PSME4: variants seen among roughly 807,000 people sequenced by gnomAD.
PSME4 encodes proteasome activator complex subunit 4.
Under a neutral mutation model 253.9 loss-of-function variants are expected in PSME4, and 89 were observed. The observed-to-expected ratio is 0.35, with a 90% CI of 0.30 to 0.42. The LOEUF (loss-of-function observed/expected upper bound fraction) is 0.42, where lower values mean the gene tolerates loss of function less well. PSME4 is among the 10% of genes least tolerant of loss of function. PSME4 has a pLI of 1.00. For missense variants in PSME4, 2,014 were observed against 2,195.2 expected, an observed-to-expected ratio of 0.92 and a Z score of 1.65; for synonymous variants, 851 against 759.2, an observed-to-expected ratio of 1.12 and a Z score of -1.99.
In PSME4 at chr2:53,874,504, A is replaced by T; in HGVS notation, c.4945-10T>A. ...AACTGCTTCTTGCTGTCTGTGAATG[A>T]CAAATAAATATAAACGATAAAGCAG... On this transcript the variant is annotated splice_polypyrimidine_tract_variant and intron_variant, in intron 42 of 46. Coordinates refer to ENST00000404125, the MANE Select transcript of PSME4 (RefSeq NM_014614.3). 6.2e-7 allele frequency: 1 copy of T among 1,612,514 alleles called. No homozygotes were observed. The highest frequency in any genetic ancestry group is 2.2e-5 in the East Asian group (1 of 44,858).
At position 53,927,502 on chromosome 2, in the gene PSME4, G is replaced by A; in HGVS notation, c.1504-19C>T. ...ATGTGATCTGTGGAAACATACAAAGGATTTTCAACATTACATAATTCTAAT... is the reference window on the plus strand; with the variant it reads ...ATGTGATCTGTGGAAACATACAAAGAATTTTCAACATTACATAATTCTAAT... On this transcript the variant is annotated intron_variant, in intron 11 of 46. Coordinates refer to ENST00000404125, the MANE Select transcript of PSME4 (RefSeq NM_014614.3). 6.8e-7 allele frequency: 1 copy of A among 1,477,490 alleles called. No homozygotes were observed. The highest frequency in any genetic ancestry group is 9.5e-7 in the Non-Finnish European group (1 of 1,056,662). 91.5% of individuals were successfully genotyped at this position (1,477,490 alleles called of 1,614,324 possible).
At chr2:53,898,402 C>G in intron 29 of PSME4, 48 bp from the exon 30 acceptor site, 1 of 1,348,334 alleles carries the variant, frequency 7.4e-7, no homozygotes, top group Admixed American at 2.1e-5. Context: ...CTAAAATGAA[C>G]ATCAAAAATA....
intron 44 of PSME4, among the ~76,000 whole-genome samples, 189 bp downstream of exon 44, chr2:53,869,187 A>G (rs762204199): frequency 1.3e-5 from 2 of 152,138 alleles, no homozygotes; most frequent in African/African-American, 2.4e-5. Flanking sequence ...ATCTACCTCA[A>G]TTTTAGCTTT....
chr2:53,908,876 C>G lies in PSME4; in HGVS notation c.2573-36G>C, dbSNP rs780047083. 3.5e-6 allele frequency: 5 copies of G among 1,448,696 alleles called. No individual in the cohort carries two copies. The African/African-American group carries it at 7.1e-5, about 21-fold the overall frequency. The allele number at this position is 1,448,696 out of a possible 1,614,324, so 89.7% of individuals were successfully genotyped here. ...AAAATAAAAGAAGGTATTTTAGACACTGAATGCTCCTCAGACTTTTAAAGT... is the reference window on the plus strand; with the variant it reads ...AAAATAAAAGAAGGTATTTTAGACAGTGAATGCTCCTCAGACTTTTAAAGT... On this transcript the variant is annotated intron_variant, in intron 21 of 46. Transcript: ENST00000404125.
At chr2:53,970,405 C>T in intron 1 of PSME4, 138 bp downstream of exon 1, 2 of 1,421,516 alleles carry the variant, frequency 1.4e-6, no homozygotes, top group Non-Finnish European at 1.9e-6. Context: ...TCTGTCACGA[C>T]CCTGGGATCA....
Position 53,908,850 on chromosome 2 carries a change from A to T in PSME4, c.2573-10T>A, listed in dbSNP as rs1667691635. 3 of 1,591,334 alleles carry T rather than the reference A, an allele frequency of 1.9e-6. No individual in the cohort carries two copies. The highest frequency in any genetic ancestry group is 2.6e-6 in the Non-Finnish European group (3 of 1,163,532). On this transcript the variant is annotated splice_polypyrimidine_tract_variant and intron_variant, in intron 21 of 46. Coordinates refer to ENST00000404125, the MANE Select transcript of PSME4 (RefSeq NM_014614.3). ...TTCTCTCGAGACAGATCTATTTTGA[A>T]AAAATAAAAGAAGGTATTTTAGACA...
intron 1 of PSME4, among the ~76,000 whole-genome samples, chr2:53,951,766 A>T (rs1401083475): frequency 1.3e-5 from 2 of 152,222 alleles, no homozygotes; most frequent in African/African-American, 4.8e-5. Context: ...CATAATGCAG[A>T]TATTATAAAA....
intron 42 of PSME4, 79 bp downstream of exon 42, chr2:53,875,548 G>T: frequency 7.4e-7 from 1 of 1,353,310 alleles, no homozygotes; most frequent in Non-Finnish European, 1.0e-6. Flanking sequence ...GGCGCTGTGT[G>T]CACTGCAGCT....
intron 44 of PSME4, 37 bp downstream of exon 44, chr2:53,869,339 C>A: frequency 6.5e-7 from 1 of 1,543,386 alleles, no homozygotes; most frequent in Non-Finnish European, 8.9e-7. Flanking sequence ...TCATTAATTC[C>A]CAATAGGATA....
chr2:53,901,244 C>G, intron 28 of PSME4, 106 bp downstream of exon 28: 1 of 1,050,644 alleles, frequency 9.5e-7, no homozygotes, highest in Non-Finnish European at 1.4e-6. Flanking sequence ...ACACTGGACT[C>G]AAATGCCAAG....
At chr2:53,867,502 G>GAAA (rs35076319) in intron 44 of PSME4, among the ~76,000 whole-genome samples, 5 of 100,088 alleles carry the variant, frequency 5.0e-5, no homozygotes, top group African/African-American at 7.9e-5. Context: ...CCGTCTCAAG[G>GAAA]AAAAAAAAAA....
At chr2:53,879,801 CAA>C (rs55730803) in intron 41 of PSME4, among the ~76,000 whole-genome samples, 52 of 89,888 alleles carry the variant, frequency 5.8e-4, no homozygotes, top group Admixed American at 1.0e-3. Flanking sequence ...GACCCTGTCT[CAA>C]AAAAAAAAAA....
chr2:53,875,597 A>C (rs1275058992), intron 42 of PSME4, 30 bp downstream of exon 42: 3 of 1,580,742 alleles, frequency 1.9e-6, no homozygotes, highest in Non-Finnish European at 2.6e-6. Context: ...AATCCTAATC[A>C]AAAGACATAA....
chr2:53,864,473 TAAAGA>T lies in PSME4; in HGVS notation c.*1100_*1104del, dbSNP rs1179502427. The stretch of plus-strand genomic sequence containing the variant: ...CCACATCTCAGTTTTTGTAACAAGA[TAAAGA>T]AAATAATTTAAAAACACAAAAAATG... On this transcript the variant is annotated 3_prime_UTR_variant, in exon 47 of 47. Coordinates refer to ENST00000404125, the MANE Select transcript of PSME4 (RefSeq NM_014614.3). The T allele has an allele frequency of 1.3e-5, 2 of 148,218 alleles. No individual in the cohort carries two copies. Among genetic ancestry groups the T allele is most frequent in the Non-Finnish European group, 3.0e-5 (2 of 66,914 alleles). The allele number at this position is 148,218 out of a possible 1,614,324, so 9.2% of individuals were successfully genotyped here.
chr2:53,924,496 A>G (rs962655790), intron 14 of PSME4, among the ~76,000 whole-genome samples: 1 of 152,228 alleles, frequency 6.6e-6, no homozygotes, highest in Non-Finnish European at 1.5e-5. Flanking sequence ...TCTTATGAAG[A>G]TAACTACTTC....
intron 1 of PSME4, among the ~76,000 whole-genome samples, chr2:53,966,857 G>A (rs1180101000): frequency 6.6e-6 from 1 of 152,054 alleles, no homozygotes; most frequent in African/African-American, 2.4e-5. Flanking sequence ...GCACCACCAT[G>A]CCAGGCTAAT....
At chr2:53,888,089 C>A in intron 38 of PSME4, 100 bp from the exon 39 acceptor site, 1 of 1,238,580 alleles carries the variant, frequency 8.1e-7, no homozygotes, top group South Asian at 2.1e-5. Flanking sequence ...AAAGCTTTTT[C>A]GTTTTTTCAC....
chr2:53,896,497 C>T (rs1162865663), intron 32 of PSME4, among the ~76,000 whole-genome samples: 1 of 152,094 alleles, frequency 6.6e-6, no homozygotes, highest in Non-Finnish European at 1.5e-5. Context: ...CCTAATCCCA[C>T]CACCCAAAGA....
chr2:53,888,897 A>AT (rs1679762033), intron 37 of PSME4, 85 bp from the exon 38 acceptor site: 1 of 1,148,098 alleles, frequency 8.7e-7, no homozygotes, highest in South Asian at 1.4e-5. Flanking sequence ...ATTTAATTTT[A>AT]TTTTTGAGGC....
Sources: allele counts gnomAD v4.1 joint callset (sites outside exome capture counted in the v4.1 genomes callset), GRCh38; gene constraint gnomAD v4.1.1; transcripts MANE v1.5; gene names NCBI Gene and HGNC (gene_info 2026-07-23, HGNC 2026-07-21).